DAB2: variants seen among roughly 807,000 people sequenced by gnomAD.
The protein encoded by DAB2 is DAB adaptor protein 2.
DAB2 carries 28 observed loss-of-function variants against 71.6 expected under a neutral mutation model. The ratio of observed to expected loss-of-function variants is 0.39; its 90% CI spans 0.29 to 0.54. DAB2 has a LOEUF of 0.54. Among genes scored for constraint, DAB2 ranks in the 20% least tolerant of loss-of-function variants. The probability of loss-of-function intolerance (pLI) is 0.68; values close to 1 mark genes in which losing one functional copy is unlikely to be tolerated. For missense variants in DAB2, 867 were observed against 928.8 expected (o/e 0.93, Z 0.86); for synonymous variants, 345 against 339.7 (o/e 1.02, Z -0.17).
At chr5:39,397,259 C>T (rs1018490566) in intron 1 of DAB2, among the ~76,000 whole-genome samples, 2 of 152,204 alleles carry the variant, frequency 1.3e-5, no homozygotes, top group Non-Finnish European at 2.9e-5. Context: ...CATACTCTCT[C>T]CAGGCCAACA....
At chr5:39,402,262 T>C (rs971544049) in intron 1 of DAB2, among the ~76,000 whole-genome samples, 1 of 152,182 alleles carries the variant, frequency 6.6e-6, no homozygotes, top group African/African-American at 2.4e-5. Context: ...GTAGCTACTA[T>C]TAAACCAAAG....
intron 1 of DAB2, among the ~76,000 whole-genome samples, chr5:39,413,552 C>T (rs1167087109): frequency 6.6e-6 from 1 of 152,118 alleles, no homozygotes; most frequent in Non-Finnish European, 1.5e-5. Flanking sequence ...CAGCTATTTA[C>T]TAAGATAGTC....
chr5:39,414,270 G>C (rs1755797820), intron 1 of DAB2, among the ~76,000 whole-genome samples: 1 of 152,004 alleles, frequency 6.6e-6, no homozygotes. Flanking sequence ...CAGCTGCACA[G>C]GGAAATAAGA....
chr5:39,414,341 C>T (rs986576149), intron 1 of DAB2, among the ~76,000 whole-genome samples: 3 of 152,104 alleles, frequency 2.0e-5, no homozygotes, highest in Non-Finnish European at 4.4e-5. Context: ...AAGCAATAGC[C>T]TTAATTATCC....
chr5:39,381,621 CA>C lies in DAB2; in HGVS notation c.1342-6del. ...AAGCAAGTCATTGGCTGAAGACTGA[CA>C]GGACAGGGAGGGAGGGAGAAGCCTT... is the stretch of plus-strand genomic sequence containing the variant. On this transcript the variant is annotated splice_region_variant and splice_polypyrimidine_tract_variant and intron_variant, in intron 10 of 14. Transcript: ENST00000320816. The C allele has an allele frequency of 6.2e-7, 1 of 1,613,798 alleles. No homozygotes were observed. Among genetic ancestry groups the C allele is most frequent in the Non-Finnish European group, 8.5e-7 (1 of 1,179,858 alleles).
At chr5:39,387,737 A>G (rs1187663043) in intron 9 of DAB2, 1 of 149,012 alleles carries the variant, frequency 6.7e-6, no homozygotes, top group Admixed American at 6.7e-5. Context: ...TTTAATTTAT[A>G]AAGGAAAATA....
Position 39,394,840 on chromosome 5 carries a change from C to T in DAB2, c.-101-419G>A, listed in dbSNP as rs141581153. Among the ~76,000 whole-genome samples, 96 of 152,222 alleles carry T rather than the reference C, an allele frequency of 6.3e-4. No individual in the cohort carries two copies. In the East Asian group the frequency reaches 0.014, roughly 23 times the overall value. On this transcript the variant is annotated intron_variant, in intron 1 of 14. Coordinates refer to ENST00000320816, the MANE Select transcript of DAB2 (RefSeq NM_001343.4). ...TTGGGCATTATAAATTTCAGTTCTT[C>T]GGAAAATTGCTTAACTATAAAGGCA...
chr5:39,383,652 T>G (rs1755032838), intron 9 of DAB2, among the ~76,000 whole-genome samples: 1 of 152,202 alleles, frequency 6.6e-6, no homozygotes, highest in Admixed American at 6.5e-5. Context: ...CTATAAATGA[T>G]TATCAAAGTA....
intron 1 of DAB2, among the ~76,000 whole-genome samples, chr5:39,395,982 G>A (rs933967529): frequency 5.1e-4 from 56 of 109,434 alleles, no homozygotes; most frequent in African/African-American, 1.9e-3. Flanking sequence ...TTGCTGTGTC[G>A]CCCAGGCTGG....
At chr5:39,404,688 C>T (rs1201023103) in intron 1 of DAB2, among the ~76,000 whole-genome samples, 1 of 152,054 alleles carries the variant, frequency 6.6e-6, no homozygotes, top group African/African-American at 2.4e-5. Context: ...AAGCGATTCC[C>T]CTGCCTCAAC....
In DAB2 at chr5:39,402,224, T is replaced by A. The variant is rs532528417; in HGVS notation, c.-101-7803A>T. ...GGGAGCCACAGTTCAAGATAAGATT[T>A]GGGTGGAGACAAAGCCAAACCATAT... On this transcript the variant is annotated intron_variant, in intron 1 of 14. Coordinates refer to ENST00000320816, the MANE Select transcript of DAB2 (RefSeq NM_001343.4). Among the ~76,000 whole-genome samples, 6 of 152,250 alleles carry A rather than the reference T, an allele frequency of 3.9e-5. No individual in the cohort carries two copies. The East Asian group carries it at 9.7e-4, about 25-fold the overall frequency.
chr5:39,419,855 A>G (rs1755939613), intron 1 of DAB2, among the ~76,000 whole-genome samples: 1 of 152,218 alleles, frequency 6.6e-6, no homozygotes. Context: ...AAATATCCAA[A>G]TCCCATGCTT....
chr5:39,393,306 A>G lies in DAB2; in HGVS notation c.179T>C (p.Val60Ala), dbSNP rs1755280228. Reference sequence around the variant, plus strand: ...CATTTTATCCCCTCTTGCATCTGGCACATCATCAATGCCAATCAGCTTGGC... The same window carrying G: ...CATTTTATCCCCTCTTGCATCTGGCGCATCATCAATGCCAATCAGCTTGGC... Reference protein sequence around the residue: ...YKAKLIGIDDVPDARGDKMSQ... With the variant: ...YKAKLIGIDDAPDARGDKMSQ... Residue 60 changes from valine (V) to alanine (A), a missense_variant, in exon 3 of 15, where the codon GTG becomes GCG. Physicochemically the swap from Val to Ala is moderately conservative, Grantham distance 64 (BLOSUM62 0). Around this residue, in one of 2 missense-constraint regions of DAB2, gnomAD observed 127 missense variants for 194.4 expected, o/e 0.65. Coordinates refer to ENST00000320816, the MANE Select transcript of DAB2 (RefSeq NM_001343.4). 1.9e-6 allele frequency: 3 copies of G among 1,613,976 alleles called. No individual in the cohort carries two copies. The highest frequency in any genetic ancestry group is 2.5e-6 in the Non-Finnish European group (3 of 1,179,970).
chr5:39,401,389 C>T (rs1755495962), intron 1 of DAB2, among the ~76,000 whole-genome samples: 1 of 152,084 alleles, frequency 6.6e-6, no homozygotes, highest in South Asian at 2.1e-4. Context: ...AAATCTTGAA[C>T]CAAGATGCTT....
chr5:39,387,413 A>G (rs1468046285), intron 9 of DAB2, among the ~76,000 whole-genome samples: 3 of 152,156 alleles, frequency 2.0e-5, no homozygotes, highest in Non-Finnish European at 4.4e-5. Context: ...CCTGAATCTG[A>G]ACTAGATAAA....
At chr5:39,404,250 G>T (rs78795008) in intron 1 of DAB2, among the ~76,000 whole-genome samples, 75 of 108,390 alleles carry the variant, frequency 6.9e-4, no homozygotes, top group African/African-American at 2.5e-3. Flanking sequence ...GTTGTGGGGT[G>T]GGGGGAGGGG....
chr5:39,388,004 C>T (rs1755138489), intron 9 of DAB2: 1 of 244,946 alleles, frequency 4.1e-6, no homozygotes, highest in Non-Finnish European at 7.8e-6. Context: ...TTCAAGTAGG[C>T]TTATTCAAGG....
intron 11 of DAB2, 43 bp from the exon 12 acceptor site, chr5:39,377,325 G>C (rs372028299): frequency 6.4e-7 from 1 of 1,563,568 alleles, no homozygotes; most frequent in Admixed American, 1.9e-5. Flanking sequence ...AGTCAAGCTT[G>C]AAGAAGATTC....
At chr5:39,386,177 T>C (rs781083931) in intron 9 of DAB2, among the ~76,000 whole-genome samples, 6 of 152,186 alleles carry the variant, frequency 3.9e-5, no homozygotes, top group Non-Finnish European at 7.4e-5. Flanking sequence ...TTTTTTGAGA[T>C]GCAGTGTGGA....
Sources: gnomAD v4.1 joint callset for allele counts (sites outside exome capture counted in the v4.1 genomes callset) on GRCh38, gnomAD v4.1.1 for gene constraint, gnomAD v4.1.1 regional missense constraint, MANE v1.5 for transcripts, NCBI Gene and HGNC (gene_info 2026-07-23, HGNC 2026-07-21) for gene names.